Variants in NBAS observed in about 807,000 individuals in gnomAD.
NBAS encodes NAG/BC035112 fusion.
NBAS carries 219 observed loss-of-function variants against 302.5 expected under a neutral mutation model. That is an observed-to-expected ratio of 0.72 (90% CI 0.65 to 0.81). NBAS has a LOEUF of 0.81. Ranked by LOEUF, NBAS falls within the 30% of genes least tolerant of loss-of-function variation. The pLI, the probability that NBAS is intolerant of heterozygous loss-of-function variation, is 0.00. For synonymous variants in NBAS, 1,118 were observed against 1,021.6 expected, an observed-to-expected ratio of 1.09 and a Z score of -1.80; for missense variants, 2,932 against 2,841.6, an observed-to-expected ratio of 1.03 and a Z score of -0.72.
intron 21 of NBAS, among the ~76,000 whole-genome samples, chr2:15,446,983 A>T (rs1055240675): frequency 2.6e-5 from 4 of 152,102 alleles, no homozygotes; most frequent in African/African-American, 9.6e-5. Flanking sequence ...CAGAAAAAGA[A>T]AAAAAGGGAA....
intron 6 of NBAS, among the ~76,000 whole-genome samples, chr2:15,549,274 G>GT (rs1214969946): frequency 6.6e-6 from 1 of 152,022 alleles, no homozygotes; most frequent in Non-Finnish European, 1.5e-5. Flanking sequence ...CTAGAATAGT[G>GT]TTTTTTTAAT....
the NBAS span, among the ~76,000 whole-genome samples, chr2:14,792,596 A>T: frequency 6.6e-6 from 1 of 152,176 alleles, no homozygotes; most frequent in Non-Finnish European, 1.5e-5. Context: ...TATAAAGTGA[A>T]GCACGGTAAT....
chr2:15,232,281 G>A (rs1330113761), intron 47 of NBAS, 141 bp downstream of exon 47: 2 of 738,340 alleles, frequency 2.7e-6, no homozygotes, highest in African/African-American at 1.7e-5. Context: ...AGAATACCAT[G>A]TCTCCAAGTG....
At position 15,276,735 on chromosome 2, in the gene NBAS, A is replaced by C. The variant is rs548162075; in HGVS notation, c.5389+116T>G. ...AATAACTAAAGTCGATTAGCTTCAA[A>C]ATTCTGTGGTTTCAGAGCTCTGCAA... On this transcript the variant is annotated intron_variant, in intron 43 of 51. Transcript: ENST00000281513. 1.0e-5 allele frequency: 15 copies of C among 1,491,626 alleles called. No homozygotes were observed. The African/African-American group carries it at 2.1e-4, about 21-fold the overall frequency. The allele number at this position is 1,491,626 out of a possible 1,614,324, so 92.4% of individuals were successfully genotyped here.
Position 15,234,861 on chromosome 2 carries a change from C to G in NBAS, c.5944-114G>C, listed in dbSNP as rs944441551. 7.5e-6 allele frequency: 8 copies of G among 1,071,362 alleles called. No homozygotes were observed. In the Admixed American group the frequency reaches 1.1e-4, roughly 15 times the overall value. The allele number at this position is 1,071,362 out of a possible 1,614,324, so 66.4% of individuals were successfully genotyped here. ...ACCAAATACATGAAAAGCAGCAACA[C>G]CATACCAAAGGGCATGTATTAGTTA... is the stretch of plus-strand genomic sequence containing the variant. On this transcript the variant is annotated intron_variant, in intron 45 of 51. Coordinates refer to ENST00000281513, the MANE Select transcript of NBAS (RefSeq NM_015909.4).
At chr2:15,209,669 T>G (rs1558439472) in intron 48 of NBAS, among the ~76,000 whole-genome samples, 1 of 152,198 alleles carries the variant, frequency 6.6e-6, no homozygotes, top group South Asian at 2.1e-4. Flanking sequence ...TAGCCAAAGC[T>G]CTGATGACCA....
chr2:15,272,909 A>C (rs1669385520), intron 44 of NBAS, among the ~76,000 whole-genome samples: 1 of 152,238 alleles, frequency 6.6e-6, no homozygotes, highest in African/African-American at 2.4e-5. Flanking sequence ...GAATAATTTA[A>C]TGTGAATAAT....
At chr2:15,002,829 G>C in the NBAS span, among the ~76,000 whole-genome samples, 1 of 152,202 alleles carries the variant, frequency 6.6e-6, no homozygotes, top group Non-Finnish European at 1.5e-5. Context: ...GCTGCTCCAA[G>C]TGCGGGGCCC....
At chr2:14,969,759 CA>C in the NBAS span, among the ~76,000 whole-genome samples, 24 of 151,988 alleles carry the variant, frequency 1.6e-4, no homozygotes, top group African/African-American at 5.6e-4. Flanking sequence ...ATCCATAAAC[CA>C]AAACAAATGA....
the NBAS span, among the ~76,000 whole-genome samples, chr2:15,017,066 G>T: frequency 6.6e-6 from 1 of 151,992 alleles, no homozygotes; most frequent in East Asian, 1.9e-4. Flanking sequence ...ACTGTGGAAA[G>T]GACAATGTCT....
At chr2:15,278,649 G>T (rs1476507410) in intron 42 of NBAS, among the ~76,000 whole-genome samples, 1 of 152,122 alleles carries the variant, frequency 6.6e-6, no homozygotes, top group Non-Finnish European at 1.5e-5. Flanking sequence ...CACTGGGGAG[G>T]ATATAAAGAC....
rs1353268148 is a variant in NBAS, at chr2:15,511,220, C to A, written c.877G>T (p.Val293Phe). 1.2e-6 allele frequency: 2 copies of A among 1,614,064 alleles called. No homozygotes were observed. The highest frequency in any genetic ancestry group is 1.1e-5 in the South Asian group (1 of 91,080). The change falls in exon 10 of 52, where the codon GTT becomes TTT. Residue 293 changes from valine to phenylalanine, a missense_variant. Coordinates refer to ENST00000281513, the MANE Select transcript of NBAS (RefSeq NM_015909.4). ...YKQVTNGGDG[V>F]TAVPKTLGLL... ...CCATAACTCATACTTACTGCAGTAA[C>A]CCCGTCTCCACCATTAGTAACCTGC...
rs202242430 is a variant in NBAS, at chr2:15,461,929, TAACTA to T, written c.2098-143_2098-139del. ...TTAATTAATTTCAACCATCAATTGT[TAACTA>T]AAGTACTACATCTGCATTATTGCCT... On this transcript the variant is annotated intron_variant, in intron 19 of 51. Coordinates refer to ENST00000281513, the MANE Select transcript of NBAS (RefSeq NM_015909.4). 1,648 of 625,576 alleles carry T rather than the reference TAACTA, an allele frequency of 2.6e-3. 20 individuals carry two copies. Among genetic ancestry groups the T allele is most frequent in the African/African-American group, 0.02 (1,073 of 54,346 alleles). The allele number at this position is 625,576 out of a possible 1,614,324, so 38.8% of individuals were successfully genotyped here.
At chr2:15,277,242 C>A in intron 42 of NBAS, 141 bp from the exon 43 acceptor site, 2 of 1,051,082 alleles carry the variant, frequency 1.9e-6, no homozygotes, top group African/African-American at 3.2e-5. Context: ...CCACCAGAAG[C>A]CAGTCAGCCT....
At chr2:15,296,281 G>A (rs958750277) in intron 40 of NBAS, among the ~76,000 whole-genome samples, 1 of 152,174 alleles carries the variant, frequency 6.6e-6, no homozygotes, top group Non-Finnish European at 1.5e-5. Flanking sequence ...GCTCACACCT[G>A]TAAACCCAAC....
At chr2:15,469,682 G>T (rs12692270) in intron 16 of NBAS, among the ~76,000 whole-genome samples, 96,989 of 151,852 alleles carry the variant, frequency 0.64, 31,718 homozygotes, top group Middle Eastern at 0.68. Flanking sequence ...TTCACATCCT[G>T]TATAGGGACA....
At chr2:15,276,486 T>C (rs1342356285) in intron 43 of NBAS, among the ~76,000 whole-genome samples, 1 of 152,210 alleles carries the variant, frequency 6.6e-6, no homozygotes, top group Non-Finnish European at 1.5e-5. Context: ...TAGGCTCCAG[T>C]GGAATGAAAT....
chr2:15,451,525 G>A (rs1173574391), intron 21 of NBAS, among the ~76,000 whole-genome samples: 1 of 152,040 alleles, frequency 6.6e-6, no homozygotes, highest in South Asian at 2.1e-4. Context: ...GATTTGTGAA[G>A]AACTGGAATA....
the NBAS span, among the ~76,000 whole-genome samples, chr2:14,901,019 G>C: frequency 1.3e-5 from 2 of 152,178 alleles, no homozygotes; most frequent in Non-Finnish European, 2.9e-5. Flanking sequence ...TGACAGCCTT[G>C]GGGTCTATCT....
Sources: allele counts gnomAD v4.1 joint callset (sites outside exome capture counted in the v4.1 genomes callset), GRCh38; gene constraint gnomAD v4.1.1; transcripts MANE v1.5; gene names NCBI Gene and HGNC (gene_info 2026-07-23, HGNC 2026-07-21).